The following THRB variants were observed in gnomAD, a reference collection of about 807,000 sequenced individuals.
The protein encoded by THRB is nuclear receptor subfamily 1 group A member 2.
In THRB, 12 loss-of-function variants were observed where a neutral mutation model predicts 47.8. The observed-to-expected ratio is 0.25, with a 90% CI of 0.16 to 0.41. The LOEUF is 0.41. Ranked by LOEUF, THRB falls within the 10% of genes least tolerant of loss-of-function variation. The pLI is 1.00. For synonymous variants in THRB, 218 were observed against 212.2 expected (o/e 1.03, Z -0.24); for missense variants, 348 against 589.2 (o/e 0.59, Z 4.24).
intron 1 of THRB, among the ~76,000 whole-genome samples, chr3:24,485,152 C>A (rs1334187993): frequency 6.6e-6 from 1 of 152,166 alleles, no homozygotes; most frequent in Non-Finnish European, 1.5e-5. Context: ...TCCTGTCAGA[C>A]AGAGGAGCTA....
At chr3:24,188,886 A>ATATATATAT (rs1559548533) in intron 5 of THRB, among the ~76,000 whole-genome samples, 2 of 68,260 alleles carry the variant, frequency 2.9e-5, no homozygotes, top group African/African-American at 2.5e-4. Flanking sequence ...TATATATATG[A>ATATATATAT]GAGAAAGAGA....
chr3:24,359,663 A>C (rs193039302), intron 1 of THRB, among the ~76,000 whole-genome samples: 196 of 152,182 alleles, frequency 1.3e-3, no homozygotes, highest in Non-Finnish European at 2.4e-4. Flanking sequence ...TACTTCCCTC[A>C]CTTCTGTCAC....
At position 24,279,066 on chromosome 3, in the gene THRB, A is replaced by C. The variant is rs149889310; in HGVS notation, c.-43+18160T>G. Reference sequence around the variant, plus strand: ...CACTATATTGCCTAGGCTGGTCTTGAACTCCCGGCTTCAAGTAATCCTCTT... The same window carrying C: ...CACTATATTGCCTAGGCTGGTCTTGCACTCCCGGCTTCAAGTAATCCTCTT... On this transcript the variant is annotated intron_variant, in intron 3 of 10. Coordinates refer to ENST00000646209, the MANE Select transcript of THRB (RefSeq NM_001354712.2). Among the ~76,000 whole-genome samples, 394 of 152,150 alleles carry C rather than the reference A, an allele frequency of 2.6e-3. 9 individuals carry two copies. Among genetic ancestry groups the C allele is most frequent in the East Asian group, 0.025 (127 of 5,154 alleles).
chr3:24,488,570 T>A (rs1560314201), intron 1 of THRB, among the ~76,000 whole-genome samples: 1 of 151,968 alleles, frequency 6.6e-6, no homozygotes, highest in African/African-American at 2.4e-5. Flanking sequence ...TTTTTTTTTT[T>A]AATCTCTAAA....
At chr3:24,269,126 A>G (rs979310303) in intron 3 of THRB, among the ~76,000 whole-genome samples, 1 of 152,200 alleles carries the variant, frequency 6.6e-6, no homozygotes, top group African/African-American at 2.4e-5. Context: ...CCACAATTAT[A>G]AAATGTTGCC....
chr3:24,233,560 G>GAAGGAAGAAAGA lies in THRB; in HGVS notation c.-42-4560_-42-4559insTCTTTCTTCCTT, dbSNP rs1553658178. 6.1e-3 allele frequency among the ~76,000 whole-genome samples: 475 copies of GAAGGAAGAAAGA among 77,318 alleles called. 3 individuals are homozygous for GAAGGAAGAAAGA. The highest frequency in any genetic ancestry group is 0.01 in the African/African-American group (212 of 21,096). 50.7% of individuals were successfully genotyped at this position (77,318 alleles called of 152,430 possible). On this transcript the variant is annotated intron_variant, in intron 3 of 10. Coordinates refer to ENST00000646209, the MANE Select transcript of THRB (RefSeq NM_001354712.2). Reference sequence around the variant, plus strand: ...GAAAGAAAGAGAAAGAAAGAAAAAGGAAGAAAGAAAGAAAGAAAGAAAGAA... The same window carrying GAAGGAAGAAAGA: ...GAAAGAAAGAGAAAGAAAGAAAAAGGAAGGAAGAAAGAAAGAAAGAAAGAAAGAAAGAAAGAA...
chr3:24,326,602 T>C (rs774836651), intron 2 of THRB, among the ~76,000 whole-genome samples: 41 of 152,076 alleles, frequency 2.7e-4, no homozygotes, highest in Non-Finnish European at 5.7e-4. Flanking sequence ...CATGGTGTTT[T>C]GCATAGAGAA....
intron 1 of THRB, among the ~76,000 whole-genome samples, chr3:24,404,931 G>A (rs1432637569): frequency 6.6e-6 from 1 of 151,686 alleles, no homozygotes; most frequent in African/African-American, 2.4e-5. Context: ...AGCATATGAG[G>A]CTATGCATTA....
chr3:24,416,799 A>G (rs1358076764), intron 1 of THRB, among the ~76,000 whole-genome samples: 1 of 151,820 alleles, frequency 6.6e-6, no homozygotes, highest in Non-Finnish European at 1.5e-5. Context: ...GACTCACAGA[A>G]TCAATCTCCT....
At chr3:24,485,193 C>T (rs1697105413) in intron 1 of THRB, among the ~76,000 whole-genome samples, 1 of 152,186 alleles carries the variant, frequency 6.6e-6, no homozygotes, top group Admixed American at 6.5e-5. Flanking sequence ...CAGAGAAACC[C>T]TTGAAGTAAT....
At chr3:24,286,464 G>A (rs976830307) in intron 3 of THRB, among the ~76,000 whole-genome samples, 1 of 152,316 alleles carries the variant, frequency 6.6e-6, no homozygotes, top group African/African-American at 2.4e-5. Context: ...TAAGAGGCAA[G>A]AGAGGAATTT....
At chr3:24,261,510 AAAAAAAAACC>A (rs2052013274) in intron 3 of THRB, among the ~76,000 whole-genome samples, 1 of 149,010 alleles carries the variant, frequency 6.7e-6, no homozygotes, top group African/African-American at 2.6e-5. Flanking sequence ...AAAAAAAAAA[AAAAAAAAACC>A]AAAAAAAACT....
chr3:24,457,489 C>T (rs754847676), intron 1 of THRB, among the ~76,000 whole-genome samples: 14 of 152,172 alleles, frequency 9.2e-5, no homozygotes, highest in South Asian at 4.1e-4. Context: ...TAAGAAAATA[C>T]AGCACACATA....
At chr3:24,239,964 G>A (rs1189323555) in intron 3 of THRB, among the ~76,000 whole-genome samples, 1 of 152,138 alleles carries the variant, frequency 6.6e-6, no homozygotes, top group African/African-American at 2.4e-5. Flanking sequence ...CAGCTTGACA[G>A]GTGGATTTGC....
At chr3:24,493,745 T>C (rs1348430850) in intron 1 of THRB, among the ~76,000 whole-genome samples, 3 of 152,222 alleles carry the variant, frequency 2.0e-5, no homozygotes, top group Non-Finnish European at 4.4e-5. Context: ...GGGAAACTTG[T>C]ACATTTAAAA....
intron 1 of THRB, among the ~76,000 whole-genome samples, chr3:24,417,494 T>A (rs1161423198): frequency 6.6e-6 from 1 of 151,920 alleles, no homozygotes; most frequent in African/African-American, 2.4e-5. Context: ...ATCAAGGACC[T>A]TTTAGGACGA....
chr3:24,351,109 G>A (rs1364103638), intron 1 of THRB, among the ~76,000 whole-genome samples: 1 of 151,476 alleles, frequency 6.6e-6, no homozygotes, highest in Non-Finnish European at 1.5e-5. Context: ...TTTTTCTTGT[G>A]TATAGTTGTA....
chr3:24,355,569 C>T (rs888035397), intron 1 of THRB, among the ~76,000 whole-genome samples: 6 of 152,070 alleles, frequency 3.9e-5, no homozygotes, highest in Admixed American at 2.0e-4. Flanking sequence ...AAATACACAA[C>T]GAAACACTTA....
chr3:24,476,365 T>C (rs1237413412), intron 1 of THRB, among the ~76,000 whole-genome samples: 2 of 152,238 alleles, frequency 1.3e-5, no homozygotes, highest in Non-Finnish European at 2.9e-5. Context: ...AGTTTTACTA[T>C]CTAAATTTAA....
Sources: gnomAD v4.1 joint callset for allele counts (sites outside exome capture counted in the v4.1 genomes callset) on GRCh38, gnomAD v4.1.1 for gene constraint, MANE v1.5 for transcripts, NCBI Gene and HGNC (gene_info 2026-07-23, HGNC 2026-07-21) for gene names.